The following CHST9 variants were observed in gnomAD, a reference collection of about 807,000 sequenced individuals.
The protein encoded by CHST9 is GalNAc-4-sulfotransferase 2.
In CHST9, 41 loss-of-function variants were observed where a neutral mutation model predicts 44.4. The ratio of observed to expected loss-of-function variants is 0.92; its 90% CI spans 0.72 to 1.20. CHST9 has a LOEUF of 1.20. Among genes scored for constraint, CHST9 ranks in the 50% most tolerant of loss-of-function variants. CHST9 has a pLI of 0.00. For missense variants in CHST9, 504 were observed against 516.5 expected (o/e 0.98, Z 0.23); for synonymous variants, 171 against 178.4 (o/e 0.96, Z 0.33).
chr18:27,026,964 C>T (rs1445067122), intron 3 of CHST9, among the ~76,000 whole-genome samples: 1 of 152,184 alleles, frequency 6.6e-6, no homozygotes, highest in Non-Finnish European at 1.5e-5. Context: ...CCTCTTGAAA[C>T]TTGGCATAAA....
intron 4 of CHST9, among the ~76,000 whole-genome samples, chr18:26,982,556 C>A (rs2056705134): frequency 6.6e-6 from 1 of 152,106 alleles, no homozygotes; most frequent in South Asian, 2.1e-4. Context: ...CCGTTCCAGA[C>A]CTTACTGGGG....
At chr18:26,933,655 C>T (rs906148480) in intron 5 of CHST9, 1 of 153,742 alleles carries the variant, frequency 6.5e-6, no homozygotes, top group Non-Finnish European at 1.5e-5. Flanking sequence ...GCAACACGTT[C>T]ACCCAAGAAG....
intron 5 of CHST9, among the ~76,000 whole-genome samples, chr18:26,921,664 C>A (rs1308829625): frequency 6.6e-6 from 1 of 151,932 alleles, no homozygotes; most frequent in East Asian, 1.9e-4. Context: ...CTCATACCAA[C>A]AAAGTCCCAT....
intron 4 of CHST9, among the ~76,000 whole-genome samples, chr18:26,962,275 A>C (rs1598597931): frequency 7.0e-6 from 1 of 143,504 alleles, no homozygotes; most frequent in Non-Finnish European, 1.5e-5. Flanking sequence ...CTCTACTCCT[A>C]TCCCAAATTA....
At chr18:27,146,058 G>A (rs1489296600) in intron 1 of CHST9, among the ~76,000 whole-genome samples, 2 of 152,140 alleles carry the variant, frequency 1.3e-5, no homozygotes, top group South Asian at 4.1e-4. Flanking sequence ...AAGAGAAAAG[G>A]CTAGAAGAAA....
At chr18:27,104,277 G>A (rs1337378293) in intron 2 of CHST9, among the ~76,000 whole-genome samples, 1 of 152,142 alleles carries the variant, frequency 6.6e-6, no homozygotes. Context: ...GCATTGTTGT[G>A]ATTTTTCACA....
chr18:27,000,515 C>G (rs144768464), intron 4 of CHST9, among the ~76,000 whole-genome samples: 1 of 152,108 alleles, frequency 6.6e-6, no homozygotes, highest in Admixed American at 6.6e-5. Context: ...TGATATGTGA[C>G]GTGGAAACAT....
At chr18:27,015,948 T>C (rs970199712) in intron 4 of CHST9, among the ~76,000 whole-genome samples, 3 of 152,208 alleles carry the variant, frequency 2.0e-5, no homozygotes, top group African/African-American at 4.8e-5. Flanking sequence ...TTCTTCAGTA[T>C]ATGCATGCAC....
At chr18:27,121,581 G>A (rs2058374969) in intron 2 of CHST9, among the ~76,000 whole-genome samples, 1 of 152,196 alleles carries the variant, frequency 6.6e-6, no homozygotes, top group Non-Finnish European at 1.5e-5. Flanking sequence ...AAACAGGGAA[G>A]AAAGGGAGTC....
intron 2 of CHST9, among the ~76,000 whole-genome samples, chr18:27,048,922 T>C (rs944194356): frequency 6.6e-6 from 1 of 151,964 alleles, no homozygotes; most frequent in East Asian, 1.9e-4. Context: ...TTTAAAGATA[T>C]GAGATGATGA....
At chr18:27,145,819 A>G (rs2058607469) in intron 1 of CHST9, among the ~76,000 whole-genome samples, 1 of 152,196 alleles carries the variant, frequency 6.6e-6, no homozygotes, top group South Asian at 2.1e-4. Context: ...GAGACTTGCA[A>G]TTTGAGGTGT....
At chr18:27,118,431 A>G (rs908622950) in intron 2 of CHST9, among the ~76,000 whole-genome samples, 7 of 152,100 alleles carry the variant, frequency 4.6e-5, no homozygotes, top group African/African-American at 1.4e-4. Flanking sequence ...TACATTATGT[A>G]GTAAGTTTAT....
At chr18:26,987,006 A>T (rs192852479) in intron 4 of CHST9, among the ~76,000 whole-genome samples, 1 of 152,298 alleles carries the variant, frequency 6.6e-6, no homozygotes, top group East Asian at 1.9e-4. Flanking sequence ...CATGTGAGTA[A>T]ATGCTGTGGT....
At chr18:27,091,960 T>C (rs2143719009) in intron 2 of CHST9, among the ~76,000 whole-genome samples, 1 of 152,326 alleles carries the variant, frequency 6.6e-6, no homozygotes, top group Non-Finnish European at 1.5e-5. Flanking sequence ...GTTGGCTTCA[T>C]AAAATGAGTC....
At chr18:26,975,246 A>G (rs2056603059) in intron 4 of CHST9, among the ~76,000 whole-genome samples, 1 of 152,164 alleles carries the variant, frequency 6.6e-6, no homozygotes, top group African/African-American at 2.4e-5. Context: ...GACATAGGGA[A>G]CAGGAAGGAG....
At chr18:26,955,335 C>G (rs338063) in intron 4 of CHST9, among the ~76,000 whole-genome samples, 151,985 of 152,108 alleles carry the variant, frequency 1, 75,931 homozygotes, top group Middle Eastern at 1. Context: ...GTTAATTCTA[C>G]ATAACTTACA....
chr18:26,975,725 G>GTATATATATATATATA (rs59671204), intron 4 of CHST9, among the ~76,000 whole-genome samples: 1 of 101,840 alleles, frequency 9.8e-6, no homozygotes, highest in Non-Finnish European at 1.9e-5. Context: ...GTGTGTGTGT[G>GTATATATATATATATA]TATATATATA....
chr18:26,929,570 T>A (rs2055838616), intron 5 of CHST9, among the ~76,000 whole-genome samples: 1 of 152,278 alleles, frequency 6.6e-6, no homozygotes, highest in Middle Eastern at 3.4e-3. Flanking sequence ...GCATAAGCAG[T>A]TGACAGAGGT....
Position 27,107,218 on chromosome 18 carries a change from T to A in CHST9, c.121+35471A>T, listed in dbSNP as rs556693875. Among the ~76,000 whole-genome samples, 5 of 152,296 alleles carry A rather than the reference T, an allele frequency of 3.3e-5. No homozygotes were observed. In the South Asian group the frequency reaches 1.0e-3, roughly 32 times the overall value. On this transcript the variant is annotated intron_variant, in intron 2 of 5. Transcript: ENST00000618847. The stretch of plus-strand genomic sequence containing the variant: ...ACTCACCTATAGACTTAGAATTCTA[T>A]GACTATTTTATAAGCAATGAAGAGT...
Sources: gnomAD v4.1 joint callset for allele counts (sites outside exome capture counted in the v4.1 genomes callset) on GRCh38, gnomAD v4.1.1 for gene constraint, MANE v1.5 for transcripts, NCBI Gene and HGNC (gene_info 2026-07-23, HGNC 2026-07-21) for gene names.